The following PCDHA7 variants were observed in gnomAD, a reference collection of about 807,000 sequenced individuals.
The protein encoded by PCDHA7 is protocadherin alpha-7.
In PCDHA7, 37 loss-of-function variants were observed where a neutral mutation model predicts 57.2. The observed-to-expected ratio is 0.65, with a 90% CI of 0.50 to 0.85. The LOEUF (loss-of-function observed/expected upper bound fraction) is 0.85. Among genes scored for constraint, PCDHA7 ranks in the 40% least tolerant of loss-of-function variants. The pLI is 0.00. For missense variants in PCDHA7, 1,188 were observed against 1,241.8 expected, an observed-to-expected ratio of 0.96 and a Z score of 0.65; for synonymous variants, 553 against 558.8, an observed-to-expected ratio of 0.99 and a Z score of 0.15.
chr5:140,848,780 G>C, intron 1 of PCDHA7: 3 of 1,593,474 alleles, frequency 1.9e-6, no homozygotes, highest in South Asian at 1.1e-5. Flanking sequence ...GCGAGGAGCT[G>C]TGCGGGCGGA....
chr5:140,842,811 G>T (rs1554139410), intron 1 of PCDHA7: 3 of 1,594,022 alleles, frequency 1.9e-6, no homozygotes, highest in Non-Finnish European at 2.6e-6. Flanking sequence ...CTTGTGGAGC[G>T]GCGGGTGGGC....
intron 1 of PCDHA7, among the ~76,000 whole-genome samples, chr5:140,895,893 C>A (rs899081253): frequency 6.6e-6 from 1 of 152,188 alleles, no homozygotes; most frequent in African/African-American, 2.4e-5. Context: ...CTCACTGCAA[C>A]CTCCGCGTCC....
chr5:140,842,094 G>C (rs2150329211), intron 1 of PCDHA7: 1 of 1,613,884 alleles, frequency 6.2e-7, no homozygotes, highest in South Asian at 1.1e-5. Context: ...GCAGACAACG[G>C]AACAACAGTT....
chr5:140,935,734 C>G (rs1290620794), intron 1 of PCDHA7, among the ~76,000 whole-genome samples: 1 of 152,032 alleles, frequency 6.6e-6, no homozygotes, highest in East Asian at 1.9e-4. Flanking sequence ...AGTCTAGTAT[C>G]TATTATTCCA....
intron 1 of PCDHA7, among the ~76,000 whole-genome samples, chr5:140,938,897 G>A (rs72800999): frequency 0.012 from 1,856 of 151,306 alleles, 24 homozygotes; most frequent in Non-Finnish European, 0.018. Flanking sequence ...ACACAGATGC[G>A]CACACACACA....
chr5:140,957,322 A>G (rs1356606026), intron 1 of PCDHA7, among the ~76,000 whole-genome samples: 4 of 152,202 alleles, frequency 2.6e-5, no homozygotes, highest in Admixed American at 2.0e-4. Context: ...AGGTGAGCAC[A>G]GTACAGTAAG....
chr5:140,988,445 A>G (rs1554250148), intron 3 of PCDHA7, among the ~76,000 whole-genome samples: 2 of 152,168 alleles, frequency 1.3e-5, no homozygotes, highest in African/African-American at 2.4e-5. Context: ...ATTGACCTGA[A>G]GGGAGGAAGC....
chr5:140,879,125 A>C (rs1251255000), intron 1 of PCDHA7, among the ~76,000 whole-genome samples: 2 of 152,244 alleles, frequency 1.3e-5, no homozygotes, highest in African/African-American at 2.4e-5. Flanking sequence ...GGATTAGAGC[A>C]GGGGAGATTG....
intron 1 of PCDHA7, chr5:140,928,687 C>A (rs782599747): frequency 6.2e-7 from 1 of 1,614,142 alleles, no homozygotes. Context: ...GCTTTCCTAC[C>A]ACATCTCCCG....
intron 1 of PCDHA7, among the ~76,000 whole-genome samples, chr5:140,950,372 C>G (rs1369892292): frequency 1.3e-5 from 2 of 151,918 alleles, no homozygotes; most frequent in African/African-American, 4.8e-5. Context: ...ATCTATTTAT[C>G]TTCCATTTGA....
chr5:140,854,089 G>A, intron 1 of PCDHA7: 1 of 266,188 alleles, frequency 3.8e-6, no homozygotes, highest in Non-Finnish European at 5.6e-6. Flanking sequence ...TTGAGCCTGG[G>A]ACATTGAGGC....
Position 141,010,515 on chromosome 5 carries a change from CAA to C in PCDHA7, c.*579_*580del, listed in dbSNP as rs1554262971. ...ACCAGACTTTCTAAATCTTACAACTCAAGAGGTGGCAGCCACCCTCTAGGAGA... is the reference window on the plus strand; with the variant it reads ...ACCAGACTTTCTAAATCTTACAACTCGAGGTGGCAGCCACCCTCTAGGAGA... On this transcript the variant is annotated 3_prime_UTR_variant, in exon 4 of 4. Transcript: ENST00000525929. 4.1e-6 allele frequency: 2 copies of C among 483,800 alleles called. No individual in the cohort carries two copies. Among genetic ancestry groups the C allele is most frequent in the African/African-American group, 2.0e-5 (1 of 51,026 alleles). 30.0% of individuals were successfully genotyped at this position (483,800 alleles called of 1,614,324 possible).
At chr5:140,980,278 GA>G (rs1351425532) in intron 2 of PCDHA7, among the ~76,000 whole-genome samples, 1 of 152,166 alleles carries the variant, frequency 6.6e-6, no homozygotes, top group Non-Finnish European at 1.5e-5. Flanking sequence ...ACCAACTCTT[GA>G]AAAGTACCAA....
chr5:140,894,886 G>T (rs2153448289), intron 1 of PCDHA7, among the ~76,000 whole-genome samples: 1 of 152,202 alleles, frequency 6.6e-6, no homozygotes, highest in South Asian at 2.1e-4. Flanking sequence ...AGAAGAAACA[G>T]ACCAGGATAA....
intron 1 of PCDHA7, among the ~76,000 whole-genome samples, chr5:140,938,121 A>T (rs981387543): frequency 2.0e-5 from 3 of 151,892 alleles, no homozygotes; most frequent in Admixed American, 6.6e-5. Context: ...CTCTTTTTTT[A>T]AAAAAATAGA....
chr5:140,882,061 G>GT, intron 1 of PCDHA7: 1 of 816,902 alleles, frequency 1.2e-6, no homozygotes, highest in Non-Finnish European at 1.9e-6. Flanking sequence ...ACACTTACAC[G>GT]TTCATGCGCA....
At chr5:140,849,747 G>C (rs2150448012) in intron 1 of PCDHA7, 5 of 1,598,444 alleles carry the variant, frequency 3.1e-6, no homozygotes, top group Non-Finnish European at 4.3e-6. Context: ...CCGCGAGAGT[G>C]TGTCCGCCTA....
Position 140,836,032 on chromosome 5 carries a change from C to A in PCDHA7, c.1649C>A (p.Thr550Lys), listed in dbSNP as rs1554135559. 1.2e-6 allele frequency: 2 copies of A among 1,613,416 alleles called. No homozygotes were observed. Among genetic ancestry groups the A allele is most frequent in the Non-Finnish European group, 8.5e-7 (1 of 1,179,722 alleles). The part of the protein sequence containing the change: ...AGVPPLGSNV[T>K]LQVFVLDEND... ...GTGCCGCCTCTGGGCAGCAACGTGA[C>A]GCTGCAGGTGTTCGTGCTGGACGAG... The change falls in exon 1 of 4, where the codon ACG (threonine) becomes AAG (lysine). Residue 550 changes from threonine (T) to lysine (K), a missense_variant. Physicochemically the swap from Thr to Lys is moderately conservative, Grantham distance 78. This residue lies in a region of PCDHA7 where 892 missense variants were observed against 788.5 expected (regional missense o/e 1.13). Transcript: ENST00000525929.
intron 1 of PCDHA7, among the ~76,000 whole-genome samples, chr5:140,904,491 T>G (rs2071172626): frequency 6.6e-6 from 1 of 151,972 alleles, no homozygotes; most frequent in Non-Finnish European, 1.5e-5. Context: ...TGATTCCAAA[T>G]TTTTACAATT....
Sources: gnomAD v4.1 joint callset for allele counts (sites outside exome capture counted in the v4.1 genomes callset) on GRCh38, gnomAD v4.1.1 for gene constraint, gnomAD v4.1.1 regional missense constraint, MANE v1.5 for transcripts, NCBI Gene and HGNC (gene_info 2026-07-23, HGNC 2026-07-21) for gene names.